Variants in ZNF804B observed in about 807,000 individuals in gnomAD.
The protein encoded by ZNF804B is zinc finger protein 804B.
ZNF804B carries 80 observed loss-of-function variants against 101.4 expected under a neutral mutation model. The ratio of observed to expected loss-of-function variants is 0.79; its 90% CI spans 0.66 to 0.95. ZNF804B has a LOEUF of 0.95. Among genes scored for constraint, ZNF804B ranks in the 40% least tolerant of loss-of-function variants. The probability of loss-of-function intolerance (pLI) is 0.00; values close to 1 mark genes in which losing one functional copy is unlikely to be tolerated. For synonymous variants in ZNF804B, 622 were observed against 558.8 expected, an observed-to-expected ratio of 1.11 and a Z score of -1.59; for missense variants, 1,673 against 1,561.9, an observed-to-expected ratio of 1.07 and a Z score of -1.20.
intron 1 of ZNF804B, among the ~76,000 whole-genome samples, chr7:88,957,276 G>T (rs1291807145): frequency 6.6e-6 from 1 of 151,386 alleles, no homozygotes; most frequent in Non-Finnish European, 1.5e-5. Flanking sequence ...CTTAAACCTT[G>T]CTTTCTTTCT....
intron 1 of ZNF804B, among the ~76,000 whole-genome samples, chr7:89,212,671 GTC>G (rs1347467638): frequency 6.6e-6 from 1 of 152,122 alleles, no homozygotes; most frequent in African/African-American, 2.4e-5. Context: ...TTGATTAAGA[GTC>G]TCTAGTAATT....
chr7:88,956,044 A>T (rs1793300439), intron 1 of ZNF804B, among the ~76,000 whole-genome samples: 1 of 151,738 alleles, frequency 6.6e-6, no homozygotes, highest in South Asian at 2.1e-4. Context: ...CTATCATCTT[A>T]CTCCAGTAAG....
chr7:89,006,920 T>G (rs1315459571), intron 1 of ZNF804B, among the ~76,000 whole-genome samples: 1 of 152,146 alleles, frequency 6.6e-6, no homozygotes, highest in African/African-American at 2.4e-5. Context: ...TGTTCCTTCT[T>G]CATGACAGGG....
intron 1 of ZNF804B, among the ~76,000 whole-genome samples, chr7:89,096,153 TAAAAAAAA>T (rs10717569): frequency 2.9e-5 from 4 of 136,700 alleles, no homozygotes; most frequent in Non-Finnish European, 6.2e-5. Flanking sequence ...AGACTCCATT[TAAAAAAAA>T]AAAAAAAAAA....
intron 1 of ZNF804B, among the ~76,000 whole-genome samples, chr7:88,914,531 C>G (rs530942695): frequency 2.6e-5 from 4 of 152,278 alleles, no homozygotes; most frequent in African/African-American, 7.2e-5. Flanking sequence ...TTTAGCAACT[C>G]CCTTGCCTGC....
intron 1 of ZNF804B, among the ~76,000 whole-genome samples, chr7:89,050,926 TG>T (rs1789193763): frequency 6.6e-6 from 1 of 152,122 alleles, no homozygotes; most frequent in South Asian, 2.1e-4. Flanking sequence ...ATTATCATTT[TG>T]TTGAGGTTTT....
At chr7:89,117,138 C>T (rs1583996352) in intron 1 of ZNF804B, among the ~76,000 whole-genome samples, 1 of 152,178 alleles carries the variant, frequency 6.6e-6, no homozygotes, top group Non-Finnish European at 1.5e-5. Flanking sequence ...AGGCAAAGGA[C>T]ACATTCTCCA....
At chr7:88,803,574 T>A (rs527800756) in intron 1 of ZNF804B, among the ~76,000 whole-genome samples, 1 of 152,262 alleles carries the variant, frequency 6.6e-6, no homozygotes, top group South Asian at 2.1e-4. Context: ...AGGTTAGGAA[T>A]GCAAGGATTT....
chr7:88,886,159 T>C (rs532404936), intron 1 of ZNF804B, among the ~76,000 whole-genome samples: 14 of 152,120 alleles, frequency 9.2e-5, no homozygotes, highest in African/African-American at 3.4e-4. Context: ...AAAGGAGCAG[T>C]TGTACATTTA....
intron 1 of ZNF804B, among the ~76,000 whole-genome samples, chr7:88,936,102 T>C (rs1584026250): frequency 2.3e-5 from 1 of 43,202 alleles, no homozygotes; most frequent in Non-Finnish European, 4.2e-5. Context: ...TCTTTCTTCC[T>C]TTTTTTTTTT....
intron 1 of ZNF804B, among the ~76,000 whole-genome samples, chr7:89,200,773 C>T (rs1045669427): frequency 5.9e-5 from 9 of 151,998 alleles, no homozygotes; most frequent in Admixed American, 2.6e-4. Flanking sequence ...TACTTTACAG[C>T]ACCGCAACCC....
chr7:89,232,845 T>C (rs908200712), intron 2 of ZNF804B, among the ~76,000 whole-genome samples: 2 of 152,186 alleles, frequency 1.3e-5, no homozygotes, highest in Admixed American at 6.5e-5. Flanking sequence ...TTTAAAAATC[T>C]ACTTGCCATT....
intron 1 of ZNF804B, among the ~76,000 whole-genome samples, chr7:88,880,423 A>AT (rs1042531046): frequency 2.4e-4 from 37 of 152,154 alleles, no homozygotes; most frequent in African/African-American, 8.4e-4. Context: ...TCTAATTTCT[A>AT]TTTTTTCCCA....
At chr7:89,239,667 A>G (rs13223868) in intron 2 of ZNF804B, among the ~76,000 whole-genome samples, 26,071 of 152,028 alleles carry the variant, frequency 0.17, 2,916 homozygotes, top group African/African-American at 0.31. Flanking sequence ...AGACCCATTT[A>G]TCTATGAGGG....
At chr7:89,205,139 C>T (rs979202583) in intron 1 of ZNF804B, among the ~76,000 whole-genome samples, 19 of 152,090 alleles carry the variant, frequency 1.2e-4, no homozygotes, top group Admixed American at 1.1e-3. Context: ...TTCACTATCA[C>T]GAGAACAGCA....
At chr7:89,294,010 C>T (rs887892914) in intron 2 of ZNF804B, among the ~76,000 whole-genome samples, 3 of 152,154 alleles carry the variant, frequency 2.0e-5, no homozygotes, top group Non-Finnish European at 2.9e-5. Context: ...TCTATGGCAA[C>T]TCTGTCATCA....
intron 2 of ZNF804B, among the ~76,000 whole-genome samples, chr7:89,284,901 T>C (rs1001523098): frequency 6.6e-6 from 1 of 151,716 alleles, no homozygotes; most frequent in Non-Finnish European, 1.5e-5. Context: ...GAGGGGCCAT[T>C]AAGAAAATAA....
intron 2 of ZNF804B, among the ~76,000 whole-genome samples, chr7:89,247,610 A>G (rs1391079851): frequency 6.6e-6 from 1 of 152,156 alleles, no homozygotes; most frequent in African/African-American, 2.4e-5. Flanking sequence ...AAGAAAAAAA[A>G]TCTACCCACA....
At position 88,888,992 on chromosome 7, in the gene ZNF804B, C is replaced by T. The variant is rs140324891; in HGVS notation, c.108+128908C>T. Among the ~76,000 whole-genome samples the T allele has an allele frequency of 2.2e-4, 34 of 152,176 alleles. No individual in the cohort carries two copies. The East Asian group carries it at 6.0e-3, about 27-fold the overall frequency. ...AGTGTCTGTTGTTCCCATCTTTATG[C>T]TCCTGTGTGCTCATTGTTTAACTCC... On this transcript the variant is annotated intron_variant, in intron 1 of 3. Coordinates refer to ENST00000333190, the MANE Select transcript of ZNF804B (RefSeq NM_181646.5).
Sources: allele counts gnomAD v4.1 joint callset (sites outside exome capture counted in the v4.1 genomes callset), GRCh38; gene constraint gnomAD v4.1.1; transcripts MANE v1.5; gene names NCBI Gene and HGNC (gene_info 2026-07-23, HGNC 2026-07-21).